Variants in HMCN1 observed in about 807,000 individuals in gnomAD.
HMCN1 encodes hemicentin 1.
HMCN1 carries 321 observed loss-of-function variants against 625.9 expected under a neutral mutation model. That is an observed-to-expected ratio of 0.51 (90% CI 0.47 to 0.56). The LOEUF (loss-of-function observed/expected upper bound fraction) is 0.56. HMCN1 is among the 20% of genes least tolerant of loss of function. The probability of loss-of-function intolerance (pLI) is 0.00; values close to 1 mark genes in which losing one functional copy is unlikely to be tolerated. For synonymous variants in HMCN1, 2,425 were observed against 2,417.6 expected (o/e 1.00, Z -0.09); for missense variants, 6,588 against 6,887.3 (o/e 0.96, Z 1.54).
At chr1:186,057,059 A>ACG in intron 45 of HMCN1, among the ~76,000 whole-genome samples, 175 bp from the exon 46 acceptor site, 1 of 151,754 alleles carries the variant, frequency 6.6e-6, no homozygotes, top group African/African-American at 2.4e-5. Context: ...ACACACACAC[A>ACG]CACACACAGC....
intron 15 of HMCN1, among the ~76,000 whole-genome samples, chr1:185,971,887 T>C (rs1239004767): frequency 6.6e-6 from 1 of 152,072 alleles, no homozygotes; most frequent in Non-Finnish European, 1.5e-5. Context: ...CTGTAACACG[T>C]GTTTGAACCA....
intron 2 of HMCN1, among the ~76,000 whole-genome samples, chr1:185,858,316 T>C (rs1662601423): frequency 2.6e-5 from 4 of 152,212 alleles, no homozygotes; most frequent in Non-Finnish European, 4.4e-5. Context: ...AGTTCTTCAG[T>C]TGTAAGTTCT....
At chr1:186,040,293 T>C (rs1157283916) in intron 39 of HMCN1, among the ~76,000 whole-genome samples, 1 of 152,062 alleles carries the variant, frequency 6.6e-6, no homozygotes, top group Non-Finnish European at 1.5e-5. Context: ...TATATACTTC[T>C]ACAAAAACAT....
intron 40 of HMCN1, among the ~76,000 whole-genome samples, chr1:186,044,235 C>T (rs1439568374): frequency 6.6e-6 from 1 of 152,070 alleles, no homozygotes; most frequent in Non-Finnish European, 1.5e-5. Context: ...TTACTTTAAC[C>T]TTATCGAGAG....
chr1:186,165,789 T>G (rs971683864), intron 98 of HMCN1, among the ~76,000 whole-genome samples: 2 of 152,238 alleles, frequency 1.3e-5, no homozygotes, highest in African/African-American at 4.8e-5. Context: ...AGTAATGACT[T>G]GTATGACCTT....
intron 12 of HMCN1, among the ~76,000 whole-genome samples, chr1:185,963,541 T>G (rs1301681884): frequency 6.6e-6 from 1 of 152,136 alleles, no homozygotes; most frequent in African/African-American, 2.4e-5. Flanking sequence ...AAAATAAATG[T>G]AAAGTTTCTA....
chr1:186,032,133 A>G (rs1655494816), intron 36 of HMCN1, among the ~76,000 whole-genome samples: 1 of 152,236 alleles, frequency 6.6e-6, no homozygotes, highest in Admixed American at 6.5e-5. Context: ...GACAACCCAC[A>G]GAGTGGGAGA....
intron 4 of HMCN1, among the ~76,000 whole-genome samples, chr1:185,892,384 G>A (rs939572102): frequency 5.9e-5 from 9 of 151,684 alleles, no homozygotes; most frequent in Admixed American, 2.6e-4. Flanking sequence ...GAGGAGAGGC[G>A]CTCTGATTTT....
In HMCN1 at chr1:185,734,837, C is replaced by G; in HGVS notation, c.58C>G (p.Leu20Val). ...CCTGTTTGCTCTTCTTTATTCTTCC[C>G]TAGCTCAAGATGCGAGCCCCCAGTC... is the stretch of plus-strand genomic sequence containing the variant. ...VFLFALLYSS[L>V]AQDASPQSEI... The change falls in exon 1 of 107, where the codon CTA (leucine) becomes GTA (valine). Residue 20 changes from leucine (L) to valine (V), a missense_variant. Physicochemically the swap from Leu to Val is conservative, Grantham distance 32. Around this residue, in one of 3 missense-constraint regions of HMCN1, gnomAD observed 4,628 missense variants for 4,853.1 expected, o/e 0.95. Transcript: ENST00000271588. The G allele has an allele frequency of 6.2e-7, 1 of 1,613,938 alleles. No individual in the cohort carries two copies. Among genetic ancestry groups the G allele is most frequent in the Non-Finnish European group, 8.5e-7 (1 of 1,179,874 alleles).
At chr1:185,965,651 T>G (rs1650352055) in intron 13 of HMCN1, 151 bp from the exon 14 acceptor site, 2 of 689,700 alleles carry the variant, frequency 2.9e-6, no homozygotes, top group Admixed American at 4.2e-5. Flanking sequence ...TACACCTATG[T>G]GCATGTGCAT....
chr1:185,800,047 G>A (rs1658685846), intron 1 of HMCN1, among the ~76,000 whole-genome samples: 1 of 152,212 alleles, frequency 6.6e-6, no homozygotes, highest in Non-Finnish European at 1.5e-5. Context: ...CAATGTTCTA[G>A]TGTGCAGCAG....
chr1:185,843,317 G>A lies in HMCN1; in HGVS notation c.269-2709G>A, dbSNP rs181273300. Among the ~76,000 whole-genome samples the A allele has an allele frequency of 1.2e-4, 19 of 152,220 alleles. No individual in the cohort carries two copies. The East Asian group carries it at 2.3e-3, about 19-fold the overall frequency. ...TCAGGCCTTATAGACTGACAGGTAC[G>A]TCGGCAGGAGAAAGAAAAGGGGGAC... On this transcript the variant is annotated intron_variant, in intron 1 of 106. Transcript: ENST00000271588.
chr1:185,795,798 T>A (rs985827096), intron 1 of HMCN1, among the ~76,000 whole-genome samples: 2 of 152,210 alleles, frequency 1.3e-5, no homozygotes, highest in African/African-American at 4.8e-5. Context: ...CTAAGTAATT[T>A]CAATGATGAA....
At chr1:186,003,918 C>T in intron 29 of HMCN1, 74 bp downstream of exon 29, 1 of 1,391,784 alleles carries the variant, frequency 7.2e-7, no homozygotes, top group Non-Finnish European at 1.0e-6. Flanking sequence ...TGTGGATTTT[C>T]TCCCTCTTAA....
intron 2 of HMCN1, among the ~76,000 whole-genome samples, chr1:185,862,207 C>G (rs1467523391): frequency 6.6e-6 from 1 of 152,046 alleles, no homozygotes; most frequent in East Asian, 1.9e-4. Context: ...ATTATTTGAT[C>G]CAACACAAGT....
At chr1:185,958,616 A>G (rs990312896) in intron 11 of HMCN1, among the ~76,000 whole-genome samples, 10 of 152,196 alleles carry the variant, frequency 6.6e-5, no homozygotes, top group African/African-American at 2.4e-4. Flanking sequence ...TGCCTACTAC[A>G]TGCCAGGCAT....
chr1:186,037,840 G>A, intron 36 of HMCN1, 94 bp from the exon 37 acceptor site: 2 of 778,306 alleles, frequency 2.6e-6, no homozygotes. Context: ...AAAAAAAGAA[G>A]AGAGGAAGAA....
At chr1:185,892,390 A>T (rs546123040) in intron 4 of HMCN1, among the ~76,000 whole-genome samples, 1 of 150,906 alleles carries the variant, frequency 6.6e-6, no homozygotes, top group Non-Finnish European at 1.5e-5. Context: ...AGGCGCTCTG[A>T]TTTTTAGAGT....
intron 1 of HMCN1, among the ~76,000 whole-genome samples, chr1:185,831,909 A>G (rs1660884352): frequency 6.6e-6 from 1 of 152,250 alleles, no homozygotes; most frequent in Non-Finnish European, 1.5e-5. Flanking sequence ...AAGCCTCAAC[A>G]TCTTGTCAGT....
Sources: gnomAD v4.1 joint callset for allele counts (sites outside exome capture counted in the v4.1 genomes callset) on GRCh38, gnomAD v4.1.1 for gene constraint, gnomAD v4.1.1 regional missense constraint, MANE v1.5 for transcripts, NCBI Gene and HGNC (gene_info 2026-07-23, HGNC 2026-07-21) for gene names.